The following SLC8A1 variants were observed in gnomAD, a reference collection of about 807,000 sequenced individuals.
The protein encoded by SLC8A1 is solute carrier family 8 member A1.
Under a neutral mutation model 68.3 loss-of-function variants are expected in SLC8A1, and 18 were observed. The ratio of observed to expected loss-of-function variants is 0.26; its 90% CI spans 0.18 to 0.39. The LOEUF (loss-of-function observed/expected upper bound fraction) is 0.39, where lower values mean the gene tolerates loss of function less well. Among genes scored for constraint, SLC8A1 ranks in the 10% least tolerant of loss-of-function variants. The pLI, the probability that SLC8A1 is intolerant of heterozygous loss-of-function variation, is 1.00. For synonymous variants in SLC8A1, 475 were observed against 415.5 expected (o/e 1.14, Z -1.74); for missense variants, 985 against 1,156.7 (o/e 0.85, Z 2.15).
chr2:40,486,578 T>C (rs1704980625), intron 1 of SLC8A1, among the ~76,000 whole-genome samples: 1 of 152,186 alleles, frequency 6.6e-6, no homozygotes, highest in African/African-American at 2.4e-5. Context: ...ATTTTTAAAA[T>C]TGTTACATTT....
At chr2:40,259,902 G>A (rs1384686271) in intron 2 of SLC8A1, among the ~76,000 whole-genome samples, 3 of 151,870 alleles carry the variant, frequency 2.0e-5, no homozygotes, top group South Asian at 2.1e-4. Flanking sequence ...TTTACTGCTC[G>A]CTGCACAGGC....
chr2:40,290,805 T>G (rs533042608), intron 2 of SLC8A1, among the ~76,000 whole-genome samples: 63 of 152,266 alleles, frequency 4.1e-4, no homozygotes, highest in African/African-American at 1.4e-3. Context: ...TATATGCATA[T>G]CCCATATGGA....
chr2:40,496,833 CA>C (rs1705733700), intron 1 of SLC8A1, among the ~76,000 whole-genome samples: 1 of 147,478 alleles, frequency 6.8e-6, no homozygotes, highest in African/African-American at 2.5e-5. Context: ...AACAAAAAAC[CA>C]AACACCGCAT....
intron 2 of SLC8A1, among the ~76,000 whole-genome samples, chr2:40,245,089 G>GA (rs1469947196): frequency 6.6e-6 from 1 of 152,164 alleles, no homozygotes; most frequent in African/African-American, 2.4e-5. Flanking sequence ...AATGGCCTAG[G>GA]ATATGTACCA....
intron 2 of SLC8A1, among the ~76,000 whole-genome samples, chr2:40,351,299 C>G (rs974142689): frequency 6.6e-6 from 1 of 152,096 alleles, no homozygotes; most frequent in African/African-American, 2.4e-5. Flanking sequence ...ATGGATGATA[C>G]ATGATTCCTG....
chr2:40,491,376 G>A (rs1705307028), intron 1 of SLC8A1, among the ~76,000 whole-genome samples: 1 of 152,122 alleles, frequency 6.6e-6, no homozygotes. Context: ...AGCTTAAGGA[G>A]ATTTTGGGCT....
intron 2 of SLC8A1, among the ~76,000 whole-genome samples, chr2:40,362,115 G>A (rs1352874225): frequency 4.6e-5 from 7 of 151,342 alleles, no homozygotes; most frequent in African/African-American, 1.7e-4. Context: ...GGCTGGTCTC[G>A]AACTCCTGGA....
At chr2:40,100,101 C>G (rs1418849454) in exon 8 of SLC8A1, 1 of 152,104 alleles carries the variant, frequency 6.6e-6, no homozygotes. Flanking sequence ...AATTGTACCA[C>G]TGACCTACGA....
intron 2 of SLC8A1, chr2:40,220,097 G>T (rs992608538): frequency 4.6e-5 from 7 of 150,870 alleles, no homozygotes; most frequent in African/African-American, 1.7e-4. Context: ...CCTTTCAACT[G>T]GCTAGCAATG....
rs563012515 is a variant in SLC8A1, at chr2:40,325,711, A to G, written c.1808+102762T>C. 2.4e-4 allele frequency among the ~76,000 whole-genome samples: 35 copies of G among 143,226 alleles called. 1 individual carries two copies. Among genetic ancestry groups the G allele is most frequent in the Non-Finnish European group, 4.6e-4 (31 of 66,954 alleles). The allele number at this position is 143,226 out of a possible 152,430, so 94.0% of individuals were successfully genotyped here. A position where few individuals can be genotyped will look rare whatever the true frequency, so the allele number is the denominator to read the frequency against. ...CACTTTGGGAGGCCAAGACGGGTGGATCACAAGGTCAGGAGATGGAGACCA... is the reference window on the plus strand; with the variant it reads ...CACTTTGGGAGGCCAAGACGGGTGGGTCACAAGGTCAGGAGATGGAGACCA... On this transcript the variant is annotated intron_variant, in intron 2 of 7. Coordinates refer to ENST00000406785, the Ensembl canonical transcript of SLC8A1.
At chr2:40,392,061 G>T (rs1185380164) in intron 2 of SLC8A1, among the ~76,000 whole-genome samples, 1 of 70,060 alleles carries the variant, frequency 1.4e-5, no homozygotes, top group Non-Finnish European at 2.6e-5. Flanking sequence ...AAAATAAGAA[G>T]GAAGGAGAAG....
chr2:40,260,677 T>C lies in SLC8A1; in HGVS notation c.1809-82822A>G, dbSNP rs185368238. ...AAGAAAAAGAGGTGTCTTTCAACTC[T>C]AGTTGTGATATAGTCTGCTGAATTA... On this transcript the variant is annotated intron_variant, in intron 2 of 7. Transcript: ENST00000406785. Among the ~76,000 whole-genome samples the C allele has an allele frequency of 5.3e-5, 8 of 151,426 alleles. No homozygotes were observed. The East Asian group carries it at 1.4e-3, about 26-fold the overall frequency.
rs756970142 is a variant in SLC8A1 at position 40,451,737 on chromosome 2, T to TCACACACACACACACA, written c.-25+151_-25+166dup. 5.3e-3 allele frequency among the ~76,000 whole-genome samples: 711 copies of TCACACACACACACACA among 133,708 alleles called. 5 individuals carry two copies. The highest frequency in any genetic ancestry group is 8.2e-3 in the African/African-American group (292 of 35,666). The allele number at this position is 133,708 out of a possible 152,430, so 87.7% of individuals were successfully genotyped here. ...AATGTGCAGGCGCGCACACACCACATCACACACACACACACACACACACAC... is the reference window on the plus strand; with the variant it reads ...AATGTGCAGGCGCGCACACACCACATCACACACACACACACACACACACACACACACACACACACAC... On this transcript the variant is annotated intron_variant, in intron 1 of 7. Coordinates refer to ENST00000406785, the Ensembl canonical transcript of SLC8A1.
At chr2:40,221,809 G>C (rs475529) in intron 2 of SLC8A1, among the ~76,000 whole-genome samples, 4 of 152,166 alleles carry the variant, frequency 2.6e-5, no homozygotes, top group Non-Finnish European at 2.9e-5. Context: ...TAGAAATACA[G>C]CTTACAAGGG....
intron 1 of SLC8A1, among the ~76,000 whole-genome samples, chr2:40,434,728 T>C (rs1699059330): frequency 6.6e-6 from 1 of 152,154 alleles, no homozygotes; most frequent in Admixed American, 6.6e-5. Context: ...GTATCAAGAA[T>C]ACCCAAATTA....
At chr2:40,423,161 A>T (rs566022862) in intron 2 of SLC8A1, among the ~76,000 whole-genome samples, 66 of 152,204 alleles carry the variant, frequency 4.3e-4, no homozygotes, top group African/African-American at 1.4e-3. Context: ...TTAGCCTTTC[A>T]TTAATTTTGA....
chr2:40,133,603 T>C (rs186867918), intron 7 of SLC8A1, among the ~76,000 whole-genome samples: 27 of 151,810 alleles, frequency 1.8e-4, no homozygotes, highest in Admixed American at 7.2e-4. Context: ...AGCAACCAGC[T>C]GGTAGCAGGA....
chr2:40,263,433 C>G, intron 2 of SLC8A1, among the ~76,000 whole-genome samples: 1 of 152,148 alleles, frequency 6.6e-6, no homozygotes, highest in East Asian at 1.9e-4. Context: ...GGAGGCATCA[C>G]GCTACATGAC....
At chr2:40,253,295 TACACATATATACACATATATACAC>T (rs983958200) in intron 2 of SLC8A1, among the ~76,000 whole-genome samples, 4 of 144,444 alleles carry the variant, frequency 2.8e-5, no homozygotes, top group South Asian at 2.1e-4. Flanking sequence ...TATGTGTATA[TACACATATATACACATATATACAC>T]ACACATATAT....
Sources: gnomAD v4.1 joint callset for allele counts (sites outside exome capture counted in the v4.1 genomes callset) on GRCh38, gnomAD v4.1.1 for gene constraint, MANE v1.5 for transcripts, NCBI Gene and HGNC (gene_info 2026-07-23, HGNC 2026-07-21) for gene names.